The following ARHGAP39 variants were observed in gnomAD, a reference collection of about 807,000 sequenced individuals.
The protein encoded by ARHGAP39 is Rho GTPase activating protein 39.
A neutral mutation model predicts 106.9 loss-of-function variants in ARHGAP39; 44 were observed. The ratio of observed to expected loss-of-function variants is 0.41; its 90% CI spans 0.32 to 0.53. The LOEUF is 0.53. Ranked by LOEUF, ARHGAP39 falls within the 20% of genes least tolerant of loss-of-function variation. The pLI is 0.21. For synonymous variants in ARHGAP39, 768 were observed against 693.2 expected (o/e 1.11, Z -1.69); for missense variants, 1,496 against 1,577.3 (o/e 0.95, Z 0.87).
chr8:144,541,598 C>G (rs1289202925), intron 6 of ARHGAP39, among the ~76,000 whole-genome samples: 1 of 152,144 alleles, frequency 6.6e-6, no homozygotes, highest in Non-Finnish European at 1.5e-5. Flanking sequence ...TCTAGGGCCT[C>G]ACGGAGGGAG....
At chr8:144,676,987 C>T (rs577818734) in intron 1 of ARHGAP39, among the ~76,000 whole-genome samples, 1 of 152,368 alleles carries the variant, frequency 6.6e-6, no homozygotes, top group East Asian at 1.9e-4. Context: ...TCAGGATGGT[C>T]TTGATCTCTT....
intron 2 of ARHGAP39, among the ~76,000 whole-genome samples, chr8:144,600,399 T>A (rs956674763): frequency 7.1e-6 from 1 of 141,592 alleles, no homozygotes; most frequent in African/African-American, 2.7e-5. Context: ...TGTGGAGGCG[T>A]GTGTGTGCAC....
intron 1 of ARHGAP39, among the ~76,000 whole-genome samples, chr8:144,636,855 T>C (rs989576885): frequency 4.6e-5 from 7 of 152,322 alleles, no homozygotes; most frequent in Non-Finnish European, 8.8e-5. Context: ...GGGTAAAGAA[T>C]ACTACAAAGG....
chr8:144,695,586 C>T, the ARHGAP39 span, among the ~76,000 whole-genome samples: 1 of 152,128 alleles, frequency 6.6e-6, no homozygotes, highest in Admixed American at 6.5e-5. Flanking sequence ...ATTTAGCCAG[C>T]GGCCAAGAGA....
At chr8:144,687,006 T>TGACCACGCACTGGCGGCGAGCAC (rs1822614461), upstream of ARHGAP39, among the ~76,000 whole-genome samples, 1 of 20,616 alleles carries the variant, frequency 4.9e-5, no homozygotes, top group Non-Finnish European at 1.1e-4. Flanking sequence ...GCGGCGACCA[T>TGACCACGCACTGGCGGCGAGCAC]TTCCCACCCC....
rs1820647136 is a variant in ARHGAP39, at chr8:144,616,732, T to C, written c.-81-11037A>G. On this transcript the variant is annotated intron_variant, in intron 1 of 11. Coordinates refer to ENST00000377307, the MANE Select transcript of ARHGAP39 (RefSeq NM_025251.3). ...GCAGCAGGACGGGTGCAGGAGGACCTGGGTCCCACGAAGGACGGCGAGTGC... is the reference window on the plus strand; with the variant it reads ...GCAGCAGGACGGGTGCAGGAGGACCCGGGTCCCACGAAGGACGGCGAGTGC... Among the ~76,000 whole-genome samples, 3 of 152,228 alleles carry C rather than the reference T, an allele frequency of 2.0e-5. No homozygotes were observed. In the South Asian group the frequency reaches 6.2e-4, roughly 31 times the overall value.
chr8:144,686,056 C>T (rs78433637), upstream of ARHGAP39, among the ~76,000 whole-genome samples: 2 of 151,766 alleles, frequency 1.3e-5, no homozygotes, highest in African/African-American at 2.4e-5. Context: ...GCGCCAGAGG[C>T]CTCCCGCGCG....
Position 144,605,464 on chromosome 8 carries a change from C to A in ARHGAP39, c.80+71G>T. ...GAGAATCCTGCATGCACACTGCTTT[C>A]TCTGCAGGAAGAAAGCAGTTCCACC... On this transcript the variant is annotated intron_variant, in intron 2 of 11. Transcript: ENST00000377307. 8 of 1,498,768 alleles carry A rather than the reference C, an allele frequency of 5.3e-6. No individual in the cohort carries two copies. The South Asian group carries it at 9.1e-5, about 17-fold the overall frequency. The allele number at this position is 1,498,768 out of a possible 1,614,324, so 92.8% of individuals were successfully genotyped here. A position where few individuals can be genotyped will look rare whatever the true frequency, so the allele number is the denominator to read the frequency against.
intron 7 of ARHGAP39, among the ~76,000 whole-genome samples, chr8:144,534,970 T>C (rs966814144): frequency 6.6e-6 from 1 of 152,178 alleles, no homozygotes; most frequent in Non-Finnish European, 1.5e-5. Flanking sequence ...GGCACCTTCC[T>C]GCTCCAGGTC....
At chr8:144,613,888 C>T (rs921278046) in intron 1 of ARHGAP39, among the ~76,000 whole-genome samples, 11 of 152,218 alleles carry the variant, frequency 7.2e-5, no homozygotes, top group Non-Finnish European at 1.5e-4. Flanking sequence ...ACTCCAATCA[C>T]ATAATTGTTA....
chr8:144,694,260 AAGG>A, the ARHGAP39 span, among the ~76,000 whole-genome samples: 5 of 152,146 alleles, frequency 3.3e-5, no homozygotes, highest in Non-Finnish European at 7.4e-5. Context: ...CTGGAGCCAA[AAGG>A]AGGCCAGCCT....
intron 6 of ARHGAP39, among the ~76,000 whole-genome samples, chr8:144,540,692 C>T (rs1010586724): frequency 2.0e-5 from 3 of 151,830 alleles, no homozygotes; most frequent in Non-Finnish European, 4.4e-5. Context: ...CCCAGCTACT[C>T]GGGAGGCTGA....
In ARHGAP39 at chr8:144,530,451, C is replaced by T. The variant is rs1343133656; in HGVS notation, c.3316G>A (p.Asp1106Asn). The stretch of plus-strand genomic sequence containing the variant: ...AGCACACCCTCCATGAAGCTGGTGT[C>T]CAGGTGCTGGATGAGCACCCGCAGG... ...SFLRVLIQHL[D>N]TSFMEGVL is the part of the protein sequence containing the mutation. The change falls in exon 12 of 12, where the codon GAC (aspartate) becomes AAC (asparagine). Residue 1106 changes from aspartate to asparagine, a missense_variant. By Grantham distance (23) the Asp-to-Asn change is conservative (BLOSUM62 1). Coordinates refer to ENST00000377307, the MANE Select transcript of ARHGAP39 (RefSeq NM_025251.3). 23 of 1,609,556 alleles carry T rather than the reference C, an allele frequency of 1.4e-5. No homozygotes were observed. The highest frequency in any genetic ancestry group is 1.9e-5 in the Non-Finnish European group (22 of 1,178,320).
chr8:144,550,500 T>TA (rs1817651763), intron 4 of ARHGAP39, among the ~76,000 whole-genome samples: 1 of 152,214 alleles, frequency 6.6e-6, no homozygotes, highest in Non-Finnish European at 1.5e-5. Flanking sequence ...GTCCCTCTGA[T>TA]TGATGTGGGG....
intron 6 of ARHGAP39, among the ~76,000 whole-genome samples, chr8:144,543,384 G>A (rs1817275905): frequency 6.6e-6 from 1 of 152,190 alleles, no homozygotes; most frequent in Non-Finnish European, 1.5e-5. Flanking sequence ...AATGGCCACT[G>A]TGTATGTAGA....
rs1817580440 is a variant in ARHGAP39, at chr8:144,548,663, C to T, written c.597-174G>A. The stretch of plus-strand genomic sequence containing the variant: ...CCTGCCTTGCCCCAGCACCCCCAGC[C>T]CTCCCTCTGGGGCTCTCCTGGAGCT... On this transcript the variant is annotated intron_variant, in intron 4 of 11. Transcript: ENST00000377307. The surrounding 1 kb of genome is among the most constrained non-coding windows in gnomAD (Gnocchi z 7.4). Among the ~76,000 whole-genome samples, 1 of 152,210 alleles carries T rather than the reference C, an allele frequency of 6.6e-6. No individual in the cohort carries two copies. Among genetic ancestry groups the T allele is most frequent in the Non-Finnish European group, 1.5e-5 (1 of 68,006 alleles).
rs577578110 is a variant in ARHGAP39, at chr8:144,646,073, G to A, written c.-82+39613C>T. ...AGCAACCACCTGCTGGGCGTCCCCC[G>A]GAGCTGCACTGGTCACCCCTCCCCA... On this transcript the variant is annotated intron_variant, in intron 1 of 11. Transcript: ENST00000377307. The surrounding 1 kb of genome is among the most constrained non-coding windows in gnomAD (Gnocchi z 5.7). Among the ~76,000 whole-genome samples, 1 of 152,292 alleles carries A rather than the reference G, an allele frequency of 6.6e-6. No homozygotes were observed. The highest frequency in any genetic ancestry group is 2.4e-5 in the African/African-American group (1 of 41,558).
At chr8:144,693,434 C>T in the ARHGAP39 span, among the ~76,000 whole-genome samples, 9 of 151,240 alleles carry the variant, frequency 6.0e-5, no homozygotes, top group South Asian at 1.5e-3. Flanking sequence ...AGTGCAGTGG[C>T]GCGATCTCGG....
chr8:144,605,760 C>T, intron 1 of ARHGAP39, 65 bp from the exon 2 acceptor site: 1 of 765,560 alleles, frequency 1.3e-6, no homozygotes, highest in African/African-American at 1.7e-5. Flanking sequence ...TCACCCGGCC[C>T]AGCCCACCGC....
Sources: allele counts gnomAD v4.1 joint callset (sites outside exome capture counted in the v4.1 genomes callset), GRCh38; gene constraint gnomAD v4.1.1; non-coding constraint Gnocchi (gnomAD v3.1); transcripts MANE v1.5; gene names NCBI Gene and HGNC (gene_info 2026-07-23, HGNC 2026-07-21).